HHIPL1: variants seen among roughly 807,000 people sequenced by gnomAD.
HHIPL1 encodes the protein HHIP like 1, also known as HHIP-like protein 1.
HHIPL1 carries 43 observed loss-of-function variants against 61.8 expected under a neutral mutation model. The ratio of observed to expected loss-of-function variants is 0.70; its 90% CI spans 0.55 to 0.90. The LOEUF (loss-of-function observed/expected upper bound fraction) is 0.90. HHIPL1 is among the 40% of genes least tolerant of loss of function. The pLI, the probability that HHIPL1 is intolerant of heterozygous loss-of-function variation, is 0.00. For synonymous variants in HHIPL1, 482 were observed against 515.8 expected, an observed-to-expected ratio of 0.93 and a Z score of 0.89; for missense variants, 1,056 against 1,157.7, an observed-to-expected ratio of 0.91 and a Z score of 1.28.
intron 8 of HHIPL1, among the ~76,000 whole-genome samples, chr14:99,673,705 T>TGGTGCACGGAGGGGGGC (rs1186101841): frequency 1.5e-4 from 1 of 6,822 alleles, no homozygotes; most frequent in Non-Finnish European, 2.6e-4. Context: ...CTGAGGGGGG[T>TGGTGCACGGAGGGGGGC]GCACCTGGAG....
chr14:99,675,341 G>A lies in HHIPL1; in HGVS notation c.2064G>A (p.Val688=). Residue 688 remains valine, a synonymous_variant, in exon 9 of 9, where the codon GTG becomes GTA. Coordinates refer to ENST00000330710, the MANE Select transcript of HHIPL1 (RefSeq NM_001127258.3). This position sits in a 1 kb window ranked among gnomAD's most constrained non-coding sequence, Gnocchi z 5.4. The part of the protein sequence containing the change: ...PAGLSSGSGR[V]EVFVGGRWGT... ...GCCTGAGCTCTGGCAGCGGGCGCGT[G>A]GAGGTGTTCGTGGGCGGACGCTGGG... is the stretch of plus-strand genomic sequence containing the variant. The A allele has an allele frequency of 1.4e-6, 2 of 1,462,774 alleles. No homozygotes were observed. Among genetic ancestry groups the A allele is most frequent in the Non-Finnish European group, 1.8e-6 (2 of 1,107,884 alleles). The allele number at this position is 1,462,774 out of a possible 1,614,324, so 90.6% of individuals were successfully genotyped here.
chr14:99,611,799 G>A, the HHIPL1 span, among the ~76,000 whole-genome samples: 2 of 151,380 alleles, frequency 1.3e-5, no homozygotes, highest in African/African-American at 4.9e-5. Flanking sequence ...GTGTCCCAAC[G>A]CACATGAGTA....
intron 1 of HHIPL1, among the ~76,000 whole-genome samples, chr14:99,646,695 C>T (rs1265758934): frequency 1.3e-5 from 2 of 151,770 alleles, no homozygotes; most frequent in Admixed American, 1.3e-4. Flanking sequence ...AAGCACTTGA[C>T]TCTGGGAGGC....
At chr14:99,628,744 G>A in the HHIPL1 span, among the ~76,000 whole-genome samples, 1 of 152,154 alleles carries the variant, frequency 6.6e-6, no homozygotes, top group Non-Finnish European at 1.5e-5. Flanking sequence ...GAATGCTGGA[G>A]GTTGCACAGT....
chr14:99,609,279 C>A, the HHIPL1 span, among the ~76,000 whole-genome samples: 2 of 152,210 alleles, frequency 1.3e-5, no homozygotes, highest in South Asian at 4.1e-4. Context: ...TCATCCAAGC[C>A]CTCCCTGACA....
chr14:99,628,102 G>A, the HHIPL1 span, among the ~76,000 whole-genome samples: 8 of 152,306 alleles, frequency 5.3e-5, no homozygotes, highest in South Asian at 8.3e-4. Context: ...TGGGAGGACC[G>A]AGGCCCAGAG....
At chr14:99,652,092 C>T (rs1313274565) in intron 1 of HHIPL1, 132 bp from the exon 2 acceptor site, 34 of 776,942 alleles carry the variant, frequency 4.4e-5, no homozygotes, top group Non-Finnish European at 7.0e-5. Flanking sequence ...ATCGTGGTAA[C>T]AGGCAGATGG....
intron 6 of HHIPL1, 29 bp downstream of exon 6, chr14:99,663,050 G>A: frequency 6.4e-7 from 1 of 1,564,786 alleles, no homozygotes; most frequent in Non-Finnish European, 8.7e-7. Context: ...TCTCCTTGCT[G>A]GTTGCTCGTG....
At chr14:99,623,144 C>G in the HHIPL1 span, among the ~76,000 whole-genome samples, 1 of 152,206 alleles carries the variant, frequency 6.6e-6, no homozygotes, top group South Asian at 2.1e-4. Flanking sequence ...AAGCCATGCT[C>G]ACACGTGCTA....
upstream of HHIPL1, among the ~76,000 whole-genome samples, chr14:99,641,606 G>T (rs1595140783): frequency 6.6e-6 from 1 of 151,682 alleles, no homozygotes; most frequent in African/African-American, 2.4e-5. Flanking sequence ...TAGAGCGGGG[G>T]TTTCACAATG....
chr14:99,657,107 G>A lies in HHIPL1; in HGVS notation c.1010G>A (p.Gly337Glu). Residue 337 changes from glycine (G) to glutamate (E), a missense_variant, in exon 3 of 9, where the codon GGA (glycine) becomes GAA (glutamate). By Grantham distance (98) the Gly-to-Glu change is moderately conservative (BLOSUM62 -2). Coordinates refer to ENST00000330710, the MANE Select transcript of HHIPL1 (RefSeq NM_001127258.3). Reference sequence around the variant, plus strand: ...TTCACTGGAGATGGCGGGATGGCCGGAGACCCCTTTGGGACATTTGGAAAT... The same window carrying A: ...TTCACTGGAGATGGCGGGATGGCCGAAGACCCCTTTGGGACATTTGGAAAT... ...YIFTGDGGMA[G>E]DPFGTFGNAQ... 6.2e-7 allele frequency: 1 copy of A among 1,613,382 alleles called. No individual in the cohort carries two copies. Among genetic ancestry groups the A allele is most frequent in the Non-Finnish European group, 8.5e-7 (1 of 1,179,780 alleles).
chr14:99,629,741 G>A, the HHIPL1 span, among the ~76,000 whole-genome samples: 1 of 152,164 alleles, frequency 6.6e-6, no homozygotes, highest in Admixed American at 6.5e-5. Context: ...GACCTCAGGT[G>A]ATCTGCCCGC....
chr14:99,640,086 T>C, the HHIPL1 span, among the ~76,000 whole-genome samples: 3 of 152,240 alleles, frequency 2.0e-5, no homozygotes, highest in East Asian at 3.8e-4. Flanking sequence ...CTCTTTTCTA[T>C]TGATTATACT....
Position 99,660,365 on chromosome 14 carries a change from C to T in HHIPL1, c.1461C>T (p.Pro487=), listed in dbSNP as rs1466058321. ...ACGTGTACCGGGGCTGCGAGTACCC[C>T]AACCTGAACGGCCTCTACATTTTTG... ...GGYVYRGCEY[P]NLNGLYIFGD... The change falls in exon 5 of 9, where the codon CCC becomes CCT. Residue 487 remains proline (P), a synonymous_variant. Transcript: ENST00000330710. This position sits in a 1 kb window ranked among gnomAD's most constrained non-coding sequence, Gnocchi z 4.9. 6.2e-7 allele frequency: 1 copy of T among 1,614,096 alleles called. No individual in the cohort carries two copies. The highest frequency in any genetic ancestry group is 1.7e-5 in the Admixed American group (1 of 60,014).
chr14:99,672,421 A>G (rs2056335718), intron 8 of HHIPL1, 22 bp downstream of exon 8: 1 of 1,543,410 alleles, frequency 6.5e-7, no homozygotes, highest in Non-Finnish European at 8.8e-7. Flanking sequence ...CCAGTGGGAC[A>G]CTGAGGGTTG....
the HHIPL1 span, among the ~76,000 whole-genome samples, chr14:99,613,943 C>A: frequency 6.6e-6 from 1 of 151,972 alleles, no homozygotes; most frequent in Non-Finnish European, 1.5e-5. Flanking sequence ...AATAAAATTC[C>A]TAGCATAGAG....
intron 6 of HHIPL1, among the ~76,000 whole-genome samples, chr14:99,664,915 CT>C (rs113486043): frequency 0.034 from 4,882 of 141,634 alleles, 77 homozygotes; most frequent in Middle Eastern, 0.048. Context: ...TTTTTTTTTT[CT>C]TTTTTTTTTT....
intron 2 of HHIPL1, among the ~76,000 whole-genome samples, chr14:99,654,578 G>A (rs996613104): frequency 6.6e-6 from 1 of 152,216 alleles, no homozygotes; most frequent in Non-Finnish European, 1.5e-5. Flanking sequence ...AGGAGGTAGG[G>A]GGAGGGCCAG....
chr14:99,612,001 G>C, the HHIPL1 span, among the ~76,000 whole-genome samples: 2 of 152,160 alleles, frequency 1.3e-5, no homozygotes, highest in Admixed American at 1.3e-4. Flanking sequence ...AAAGATGCTT[G>C]TACTTTCTTT....
Sources: gnomAD v4.1 joint callset for allele counts (sites outside exome capture counted in the v4.1 genomes callset) on GRCh38, gnomAD v4.1.1 for gene constraint, Gnocchi (gnomAD v3.1) non-coding constraint, MANE v1.5 for transcripts, NCBI Gene and HGNC (gene_info 2026-07-23, HGNC 2026-07-21) for gene names.